Variants in TRAPPC13 observed in about 807,000 individuals in gnomAD.
TRAPPC13 encodes REV7-interacting novel NHEJ regulator 1.
TRAPPC13 carries 39 observed loss-of-function variants against 54.0 expected under a neutral mutation model. That is an observed-to-expected ratio of 0.72 (90% confidence interval 0.56 to 0.94). The LOEUF is 0.94. Ranked by LOEUF, TRAPPC13 falls within the 40% of genes least tolerant of loss-of-function variation. The probability of loss-of-function intolerance (pLI) is 0.00; values close to 1 mark genes in which losing one functional copy is unlikely to be tolerated. For missense variants in TRAPPC13, 386 were observed against 488.1 expected (o/e 0.79, Z 1.97); for synonymous variants, 148 against 167.7 (o/e 0.88, Z 0.91).
In TRAPPC13 at chr5:65,660,693, T is replaced by C. The variant is rs778791092; in HGVS notation, c.699-6T>C. The C allele has an allele frequency of 6.3e-7, 1 of 1,586,108 alleles. No homozygotes were observed. Among genetic ancestry groups the C allele is most frequent in the Non-Finnish European group, 8.6e-7 (1 of 1,167,446 alleles). On this transcript the variant is annotated splice_polypyrimidine_tract_variant and splice_region_variant and intron_variant, in intron 9 of 12. Transcript: ENST00000399438. ...TTTTCTCCGTCTCTGTCTCCACCCC[T>C]CTCAGTGTGTCTACGTTTGGGTCAA...
chr5:65,650,320 C>G (rs1174369184), intron 5 of TRAPPC13, among the ~76,000 whole-genome samples: 2 of 151,760 alleles, frequency 1.3e-5, no homozygotes, highest in Admixed American at 1.3e-4. Context: ...CACCACCACA[C>G]CCAGCTAATT....
At chr5:65,638,359 T>C (rs1441183541) in intron 4 of TRAPPC13, among the ~76,000 whole-genome samples, 1 of 152,194 alleles carries the variant, frequency 6.6e-6, no homozygotes, top group African/African-American at 2.4e-5. Context: ...TTTGTTAATG[T>C]ATGTCATTAA....
chr5:65,656,983 A>G (rs1756677226), intron 8 of TRAPPC13, among the ~76,000 whole-genome samples: 1 of 152,140 alleles, frequency 6.6e-6, no homozygotes, highest in African/African-American at 2.4e-5. Flanking sequence ...AGGCTGAGGC[A>G]GGAGAATCGC....
At chr5:65,630,279 T>A (rs761732103) in intron 1 of TRAPPC13, 79 of 1,533,384 alleles carry the variant, frequency 5.2e-5, no homozygotes, top group Non-Finnish European at 6.5e-5. Context: ...AAAGGAAGAT[T>A]AGCTCTTACT....
At chr5:65,661,480 C>A (rs571913477) in intron 10 of TRAPPC13, 2 of 152,346 alleles carry the variant, frequency 1.3e-5, no homozygotes, top group South Asian at 4.1e-4. Context: ...TTGACATATT[C>A]CAAATTTTAC....
intron 7 of TRAPPC13, among the ~76,000 whole-genome samples, chr5:65,653,330 A>G (rs1484399055): frequency 1.3e-5 from 2 of 152,126 alleles, no homozygotes; most frequent in Non-Finnish European, 2.9e-5. Flanking sequence ...AATGAAGATT[A>G]TATCTCTGCT....
chr5:65,661,293 A>C (rs1188904519), intron 10 of TRAPPC13: 2 of 154,016 alleles, frequency 1.3e-5, no homozygotes, highest in African/African-American at 4.8e-5. Context: ...TAAGATGTTA[A>C]AAATCTGAGG....
chr5:65,642,532 T>G (rs1756008925), intron 4 of TRAPPC13, among the ~76,000 whole-genome samples: 1 of 152,214 alleles, frequency 6.6e-6, no homozygotes, highest in Non-Finnish European at 1.5e-5. Context: ...TTATTTACTT[T>G]ATTCTTTTTC....
At chr5:65,633,511 G>A (rs34722585) in intron 1 of TRAPPC13, among the ~76,000 whole-genome samples, 2 of 151,778 alleles carry the variant, frequency 1.3e-5, no homozygotes, top group East Asian at 1.9e-4. Context: ...CTCGTGATCC[G>A]CCCGCCTCGG....
At chr5:65,625,279 T>C (rs1399480632) in intron 1 of TRAPPC13, 173 bp downstream of exon 1, 7 of 617,736 alleles carry the variant, frequency 1.1e-5, no homozygotes, top group Middle Eastern at 2.5e-4. Context: ...TTTAGGTTTA[T>C]GGGCCCCTTT....
chr5:65,649,277 T>A (rs942232053), intron 5 of TRAPPC13, among the ~76,000 whole-genome samples: 2 of 152,180 alleles, frequency 1.3e-5, no homozygotes, highest in Non-Finnish European at 2.9e-5. Flanking sequence ...GTTTTTTGTT[T>A]ACTGTAATGT....
chr5:65,630,105 A>G lies in TRAPPC13; in HGVS notation c.46+4999A>G, dbSNP rs147828494. ...TATAGAGCAAGATGGACAATAGAACACACTATTTGTAACAGCCAAACTCTG... is the reference window on the plus strand; with the variant it reads ...TATAGAGCAAGATGGACAATAGAACGCACTATTTGTAACAGCCAAACTCTG... On this transcript the variant is annotated intron_variant, in intron 1 of 12. Coordinates refer to ENST00000399438, the MANE Select transcript of TRAPPC13 (RefSeq NM_024941.4). 522 of 1,536,100 alleles carry G rather than the reference A, an allele frequency of 3.4e-4. 4 individuals are homozygous for G. The East Asian group carries it at 0.011, about 32-fold the overall frequency.
At chr5:65,657,788 T>A (rs1034493116) in intron 8 of TRAPPC13, among the ~76,000 whole-genome samples, 1 of 152,202 alleles carries the variant, frequency 6.6e-6, no homozygotes, top group Non-Finnish European at 1.5e-5. Flanking sequence ...CATATTCTTT[T>A]TTTAGCCCTC....
At position 65,637,698 on chromosome 5, in the gene TRAPPC13, A is replaced by T; in HGVS notation, c.218A>T (p.Asn73Ile). 2 of 1,530,862 alleles carry T rather than the reference A, an allele frequency of 1.3e-6. No individual in the cohort carries two copies. The highest frequency in any genetic ancestry group is 1.8e-6 in the Non-Finnish European group (2 of 1,124,068). The allele number at this position is 1,530,862 out of a possible 1,614,324, so 94.8% of individuals were successfully genotyped here. A position where few individuals can be genotyped will look rare whatever the true frequency, so the allele number is the denominator to read the frequency against. Residue 73 changes from asparagine (N) to isoleucine (I), a missense_variant and splice_region_variant, in exon 4 of 13, where the codon AAT (asparagine) becomes ATT (isoleucine). By Grantham distance (149) the Asn-to-Ile change is moderately radical. Coordinates refer to ENST00000399438, the MANE Select transcript of TRAPPC13 (RefSeq NM_024941.4). Reference sequence around the variant, plus strand: ...TAAATACTTATTTTATTTTACAGGAATATATTTTTGGGAGAGACCTTTTCC... The same window carrying T: ...TAAATACTTATTTTATTTTACAGGATTATATTTTTGGGAGAGACCTTTTCC... Reference protein sequence around the residue: ...EMLTLPQNFGNIFLGETFSSY... With the variant: ...EMLTLPQNFGIIFLGETFSSY...
intron 4 of TRAPPC13, among the ~76,000 whole-genome samples, chr5:65,643,550 G>A (rs1246839356): frequency 6.6e-6 from 1 of 151,974 alleles, no homozygotes; most frequent in Non-Finnish European, 1.5e-5. Context: ...TGGGTGGGGT[G>A]GCTCATGCCT....
At chr5:65,625,133 C>T (rs1376488161) in intron 1 of TRAPPC13, 27 bp downstream of exon 1, 4 of 1,601,424 alleles carry the variant, frequency 2.5e-6, no homozygotes, top group South Asian at 1.1e-5. Context: ...CTGATTCCCC[C>T]TTTTCTGTTT....
intron 4 of TRAPPC13, among the ~76,000 whole-genome samples, chr5:65,640,418 G>A (rs1755921814): frequency 1.3e-5 from 2 of 152,092 alleles, no homozygotes; most frequent in Admixed American, 6.5e-5. Context: ...CTTAAATAAA[G>A]CTTTACTGAC....
chr5:65,661,171 G>A (rs531883968), intron 10 of TRAPPC13: 4 of 260,512 alleles, frequency 1.5e-5, no homozygotes, highest in African/African-American at 8.9e-5. Context: ...CTCTCCTTTG[G>A]TAACACATGC....
At chr5:65,625,357 G>A in intron 1 of TRAPPC13, 1 of 422,484 alleles carries the variant, frequency 2.4e-6, no homozygotes, top group Non-Finnish European at 4.2e-6. Context: ...CGAGATTTTA[G>A]CCGCAGAAGC....
Sources: allele counts gnomAD v4.1 joint callset (sites outside exome capture counted in the v4.1 genomes callset), GRCh38; gene constraint gnomAD v4.1.1; transcripts MANE v1.5; gene names NCBI Gene and HGNC (gene_info 2026-07-23, HGNC 2026-07-21).